ARB2A: variants seen among roughly 807,000 people sequenced by gnomAD.
The protein encoded by ARB2A is cotranscriptional regulator ARB2A.
the ARB2A span, among the ~76,000 whole-genome samples, chr5:94,066,178 C>T: frequency 5.3e-5 from 8 of 151,812 alleles, no homozygotes; most frequent in African/African-American, 7.3e-5. Context: ...CCAAAACCTA[C>T]GCAAAACAGA....
the ARB2A span, among the ~76,000 whole-genome samples, chr5:93,647,350 C>G: frequency 2.0e-5 from 3 of 152,158 alleles, no homozygotes; most frequent in Non-Finnish European, 4.4e-5. Context: ...CCTTAGCCTC[C>G]AGAGTAGCTG....
At chr5:93,628,063 T>TC in the ARB2A span, among the ~76,000 whole-genome samples, 1 of 140,194 alleles carries the variant, frequency 7.1e-6, no homozygotes, top group African/African-American at 2.7e-5. Context: ...TTTTTTTTTT[T>TC]TTTTTTTTTT....
the ARB2A span, among the ~76,000 whole-genome samples, chr5:94,097,900 G>A: frequency 7.3e-6 from 1 of 136,286 alleles, no homozygotes; most frequent in East Asian, 2.1e-4. Context: ...AGATCCCTCT[G>A]CCGCTGGCTT....
chr5:93,683,573 A>C, the ARB2A span: 1 of 1,445,908 alleles, frequency 6.9e-7, no homozygotes, highest in Non-Finnish European at 9.6e-7. Flanking sequence ...ACCAGCCCTA[A>C]ACTGGCCGTT....
At chr5:93,647,091 A>T in the ARB2A span, among the ~76,000 whole-genome samples, 263 of 152,242 alleles carry the variant, frequency 1.7e-3, 1 homozygote, top group African/African-American at 6.1e-3. Flanking sequence ...ATGTAACTAC[A>T]GTATAGTTAT....
the ARB2A span, among the ~76,000 whole-genome samples, chr5:94,070,120 AT>A: frequency 2.2e-3 from 2 of 930 alleles, no homozygotes; most frequent in Non-Finnish European, 7.5e-3. Context: ...GAAATGTGAT[AT>A]ATATATACAA....
the ARB2A span, among the ~76,000 whole-genome samples, chr5:94,013,226 T>C: frequency 6.8e-6 from 1 of 147,778 alleles, no homozygotes; most frequent in African/African-American, 2.5e-5. Context: ...TCACCCAGGC[T>C]GGAATGCAGT....
At chr5:93,628,030 C>G in the ARB2A span, among the ~76,000 whole-genome samples, 4 of 149,604 alleles carry the variant, frequency 2.7e-5, no homozygotes, top group African/African-American at 9.8e-5. Flanking sequence ...TCATAGAGTG[C>G]AGGCACAGTA....
the ARB2A span, among the ~76,000 whole-genome samples, chr5:93,919,545 CA>C: frequency 6.6e-6 from 1 of 152,122 alleles, no homozygotes; most frequent in Non-Finnish European, 1.5e-5. Context: ...AGCACGGTAA[CA>C]TATCTTAGGC....
the ARB2A span, among the ~76,000 whole-genome samples, chr5:93,697,660 T>G: frequency 9.2e-5 from 14 of 152,314 alleles, no homozygotes; most frequent in African/African-American, 3.4e-4. Flanking sequence ...AGGGAATTAA[T>G]TTATAAATCA....
chr5:93,872,833 C>T, the ARB2A span, among the ~76,000 whole-genome samples: 5 of 152,024 alleles, frequency 3.3e-5, no homozygotes, highest in Admixed American at 6.5e-5. Flanking sequence ...AGGAGAATGG[C>T]GTGAACCCGG....
At chr5:93,761,675 A>G in the ARB2A span, among the ~76,000 whole-genome samples, 1 of 152,208 alleles carries the variant, frequency 6.6e-6, no homozygotes. Context: ...CTGCAGACTT[A>G]TATGTCCCTG....
the ARB2A span, chr5:94,074,714 A>G: frequency 6.2e-7 from 1 of 1,612,974 alleles, no homozygotes; most frequent in South Asian, 1.1e-5. Flanking sequence ...GTTTATCCAA[A>G]TTGGCAACAA....
chr5:93,900,286 TAAAC>T, the ARB2A span, among the ~76,000 whole-genome samples: 7 of 152,212 alleles, frequency 4.6e-5, no homozygotes, highest in East Asian at 1.9e-4. Context: ...AAATAAAAAG[TAAAC>T]AAAGTAAATT....
chr5:93,888,420 G>A, the ARB2A span, among the ~76,000 whole-genome samples: 180 of 151,808 alleles, frequency 1.2e-3, no homozygotes, highest in African/African-American at 4.1e-3. Context: ...TTAGGAAATC[G>A]AAAAGATACC....
At chr5:94,054,719 C>A in the ARB2A span, among the ~76,000 whole-genome samples, 1 of 152,276 alleles carries the variant, frequency 6.6e-6, no homozygotes, top group Non-Finnish European at 1.5e-5. Flanking sequence ...CCTCCCATAG[C>A]AAAGAACACC....
the ARB2A span, among the ~76,000 whole-genome samples, chr5:94,108,474 C>A: frequency 6.6e-6 from 1 of 151,456 alleles, no homozygotes; most frequent in Non-Finnish European, 1.5e-5. Context: ...AGTTAAAATG[C>A]AATAAAAGTC....
the ARB2A span, among the ~76,000 whole-genome samples, chr5:93,972,257 G>A: frequency 1.3e-5 from 2 of 151,948 alleles, no homozygotes; most frequent in Non-Finnish European, 2.9e-5. Context: ...TGAAATACAC[G>A]ACCAATCAAA....
At chr5:93,702,991 A>G in the ARB2A span, among the ~76,000 whole-genome samples, 1 of 152,330 alleles carries the variant, frequency 6.6e-6, no homozygotes, top group Non-Finnish European at 1.5e-5. Context: ...TAAATAAAAA[A>G]TGAAAATTAA....
Sources: allele counts gnomAD v4.1 joint callset (sites outside exome capture counted in the v4.1 genomes callset), GRCh38; gene constraint gnomAD v4.1.1; transcripts MANE v1.5; gene names NCBI Gene and HGNC (gene_info 2026-07-23, HGNC 2026-07-21).